SCNN1A: variants seen among roughly 807,000 people sequenced by gnomAD.
The protein encoded by SCNN1A is epithelial sodium channel subunit alpha.
SCNN1A carries 65 observed loss-of-function variants against 68.6 expected under a neutral mutation model. The ratio of observed to expected loss-of-function variants is 0.95; its 90% CI spans 0.78 to 1.16. The LOEUF (loss-of-function observed/expected upper bound fraction) is 1.16. Ranked by LOEUF, SCNN1A falls within the 50% of genes most tolerant of loss-of-function variation. The pLI is 0.00. For missense variants in SCNN1A, 880 were observed against 865.9 expected, an observed-to-expected ratio of 1.02 and a Z score of -0.20; for synonymous variants, 357 against 353.3, an observed-to-expected ratio of 1.01 and a Z score of -0.12.
rs933926812 is a variant in SCNN1A at position 6,349,399 on chromosome 12, C to T, written c.1367G>A (p.Cys456Tyr). Reference sequence around the variant, plus strand: ...GAAGTCAACCTGGAGCTTATAGTAGCAGTACCCTGTGGGTACAGAGAGATG... The same window carrying T: ...GAAGTCAACCTGGAGCTTATAGTAGTAGTACCCTGTGGGTACAGAGAGATG... ...DYRKHSSWGYCYYKLQVDFSS... is the reference protein window; with the variant it reads ...DYRKHSSWGYYYYKLQVDFSS... The change falls in exon 9 of 13, where the codon TGC becomes TAC. Residue 456 changes from cysteine to tyrosine, a missense_variant. Cys to Tyr is a radical substitution (Grantham distance 194, BLOSUM62 -2). Coordinates refer to ENST00000228916, the MANE Select transcript of SCNN1A (RefSeq NM_001038.6). The T allele has an allele frequency of 5.7e-6, 9 of 1,589,822 alleles. No individual in the cohort carries two copies. Among genetic ancestry groups the T allele is most frequent in the Non-Finnish European group, 7.7e-6 (9 of 1,167,466 alleles).
At chr12:6,364,265 G>A (rs970591871) in intron 2 of SCNN1A, 7 of 152,276 alleles carry the variant, frequency 4.6e-5, no homozygotes, top group African/African-American at 1.7e-4. Context: ...TGTTTCGGGT[G>A]CGGCCTAAAC....
At chr12:6,377,155 C>T (rs566385455), upstream of SCNN1A, 19 of 1,014,248 alleles carry the variant, frequency 1.9e-5, no homozygotes, top group African/African-American at 2.9e-4. Flanking sequence ...CAGGGTCCAA[C>T]CTGGTCTGTG....
chr12:6,369,917 T>G (rs1324517785), intron 2 of SCNN1A, among the ~76,000 whole-genome samples: 2 of 151,826 alleles, frequency 1.3e-5, no homozygotes, highest in Non-Finnish European at 2.9e-5. Context: ...AGCCTTTGAG[T>G]TGACACCTAG....
intron 2 of SCNN1A, among the ~76,000 whole-genome samples, chr12:6,370,322 C>T (rs1233950554): frequency 6.6e-6 from 1 of 152,216 alleles, no homozygotes; most frequent in African/African-American, 2.4e-5. Flanking sequence ...TGCCTCCCAG[C>T]TCTGAAGCAT....
Position 6,354,770 on chromosome 12 carries a change from G to A in SCNN1A, c.1222C>T (p.Pro408Ser), listed in dbSNP as rs769308083. The A allele has an allele frequency of 1.1e-5, 17 of 1,613,634 alleles. No individual in the cohort carries two copies. The African/African-American group carries it at 1.9e-4, about 18-fold the overall frequency. ...GSDVPVENLY[P>S]SKYTQQVCIH... ...CTCACCTGCTGTGTGTACTTTGAAG[G>A]GTAAAGGTTCTCAACAGGAACATCA... The change falls in exon 7 of 13, where the codon CCT becomes TCT. Residue 408 changes from proline to serine, a missense_variant. Pro to Ser is a moderately conservative substitution (Grantham distance 74). Around this residue, in one of 3 missense-constraint regions of SCNN1A, gnomAD observed 758 missense variants for 721.8 expected, o/e 1.05. Transcript: ENST00000228916.
rs918291093 is a variant in SCNN1A at position 6,355,817 on chromosome 12, G to C, written c.939C>G (p.Asn313Lys). 1.2e-6 allele frequency: 2 copies of C among 1,613,582 alleles called. No homozygotes were observed. Among genetic ancestry groups the C allele is most frequent in the African/African-American group, 2.7e-5 (2 of 74,928 alleles). ...GCATGGAAGACATCCAGAGGTTGGA[G>C]TTGTTCTTGTCATTGAAAGTATAGC... ...GNCYTFNDKN[N>K]SNLWMSSMPG... Residue 313 changes from asparagine to lysine, a missense_variant, in exon 5 of 13, where the codon AAC (asparagine) becomes AAG (lysine). By Grantham distance (94) the Asn-to-Lys change is moderately conservative. Coordinates refer to ENST00000228916, the MANE Select transcript of SCNN1A (RefSeq NM_001038.6).
chr12:6,364,877 AAAC>A (rs1218492228), intron 2 of SCNN1A, among the ~76,000 whole-genome samples: 2 of 152,236 alleles, frequency 1.3e-5, no homozygotes, highest in African/African-American at 4.8e-5. Flanking sequence ...TAAATAACAT[AAAC>A]AACATCAAAT....
At chr12:6,375,438 T>C in intron 1 of SCNN1A, 67 bp downstream of exon 1, 1 of 1,533,882 alleles carries the variant, frequency 6.5e-7, no homozygotes, top group Non-Finnish European at 8.7e-7. Context: ...CACTCCCAGG[T>C]TGCGGCTGGA....
intron 3 of SCNN1A, 135 bp downstream of exon 3, chr12:6,363,307 TG>T: frequency 1.7e-6 from 1 of 597,764 alleles, no homozygotes. Flanking sequence ...CTTTTTTTTT[TG>T]CCCGCGAGCC....
chr12:6,369,296 A>G (rs866595971), intron 2 of SCNN1A, among the ~76,000 whole-genome samples: 62 of 106,826 alleles, frequency 5.8e-4, no homozygotes, highest in East Asian at 2.0e-3. Context: ...CACCCTACTC[A>G]CCTCCCTCCT....
intron 8 of SCNN1A, 99 bp downstream of exon 8, chr12:6,354,339 A>T: frequency 1.2e-6 from 1 of 800,404 alleles, no homozygotes; most frequent in Non-Finnish European, 2.2e-6. Context: ...AGCAGGTGGG[A>T]GCCAGAAGTC....
At position 6,348,045 on chromosome 12, in the gene SCNN1A, G is replaced by A; in HGVS notation, c.1838C>T (p.Pro613Leu). The A allele has an allele frequency of 5.0e-6, 8 of 1,610,514 alleles. No individual in the cohort carries two copies. Among genetic ancestry groups the A allele is most frequent in the Non-Finnish European group, 5.9e-6 (7 of 1,178,320 alleles). ...QEVASTLASS[P>L]PSHFCPHPMS... ...GGGGTGGGGGCAGAAGTGGGAAGGA[G>A]GGGAGGATGCCAGGGTGGAGGCTAC... The change falls in exon 13 of 13, where the codon CCT (proline) becomes CTT (leucine). Residue 613 changes from proline (P) to leucine (L), a missense_variant. Pro to Leu is a moderately conservative substitution (Grantham distance 98, BLOSUM62 -3). Coordinates refer to ENST00000228916, the MANE Select transcript of SCNN1A (RefSeq NM_001038.6).
chr12:6,370,215 A>G (rs572661714), intron 2 of SCNN1A, among the ~76,000 whole-genome samples: 1 of 152,340 alleles, frequency 6.6e-6, no homozygotes, highest in African/African-American at 2.4e-5. Flanking sequence ...CCTATCAACT[A>G]GGCAAATTCC....
rs539360032 is a variant in SCNN1A at position 6,347,879 on chromosome 12, C to A, written c.2004G>T (p.Gly668=). 8.2e-5 allele frequency: 131 copies of A among 1,597,730 alleles called. 1 individual carries two copies. The South Asian group carries it at 1.4e-3, about 17-fold the overall frequency. Residue 668 remains glycine, a synonymous_variant, in exon 13 of 13, where the codon GGG becomes GGT. Transcript: ENST00000228916. ...GASSSTCPLG[G]P ...AGAAACCTCTCCTTCCCTCTCAGGG[C>A]CCCCCCAGAGGACAGGTGGAGGAAC...
At chr12:6,366,196 C>T (rs1441369936) in intron 2 of SCNN1A, among the ~76,000 whole-genome samples, 1 of 152,152 alleles carries the variant, frequency 6.6e-6, no homozygotes, top group African/African-American at 2.4e-5. Flanking sequence ...CTGTACACAG[C>T]TAGTGAGAAT....
rs1948382778 is a variant in SCNN1A, at chr12:6,351,289, C to T, written c.1361-1884G>A. 6.6e-6 allele frequency among the ~76,000 whole-genome samples: 1 copy of T among 152,174 alleles called. No individual in the cohort carries two copies. Among genetic ancestry groups the T allele is most frequent in the Non-Finnish European group, 1.5e-5 (1 of 68,026 alleles). On this transcript the variant is annotated intron_variant, in intron 8 of 12. Coordinates refer to ENST00000228916, the MANE Select transcript of SCNN1A (RefSeq NM_001038.6). The surrounding 1 kb of genome is among the most constrained non-coding windows in gnomAD (Gnocchi z 4.2). Reference sequence around the variant, plus strand: ...AAATATTATGCTAAGTGAAATAAGGCAGACACGAGGGTCACACACTCTAAG... The same window carrying T: ...AAATATTATGCTAAGTGAAATAAGGTAGACACGAGGGTCACACACTCTAAG...
chr12:6,366,974 C>T (rs1948690618), intron 2 of SCNN1A, among the ~76,000 whole-genome samples: 1 of 152,194 alleles, frequency 6.6e-6, no homozygotes, highest in Non-Finnish European at 1.5e-5. Flanking sequence ...CATGGTGGCT[C>T]ACACCTGTAA....
At chr12:6,350,112 T>C (rs1343459705) in intron 8 of SCNN1A, 1 of 154,144 alleles carries the variant, frequency 6.5e-6, no homozygotes, top group African/African-American at 2.4e-5. Flanking sequence ...ATATATGCTA[T>C]GGACAAAAAC....
rs916725378 is a variant in SCNN1A, at chr12:6,375,432, C to A, written c.-55+73G>T. 14 of 1,533,004 alleles carry A rather than the reference C, an allele frequency of 9.1e-6. No homozygotes were observed. The African/African-American group carries it at 1.9e-4, about 21-fold the overall frequency. The allele number at this position is 1,533,004 out of a possible 1,614,324, so 95.0% of individuals were successfully genotyped here. ...TCTGGGCTGCCTCCAGCTTCCCACT[C>A]CCAGGTTGCGGCTGGACTGGGACTG... On this transcript the variant is annotated intron_variant, in intron 1 of 12. Coordinates refer to ENST00000228916, the MANE Select transcript of SCNN1A (RefSeq NM_001038.6).
Sources: allele counts gnomAD v4.1 joint callset (sites outside exome capture counted in the v4.1 genomes callset), GRCh38; gene constraint gnomAD v4.1.1; regional missense constraint gnomAD v4.1.1; non-coding constraint Gnocchi (gnomAD v3.1); transcripts MANE v1.5; gene names NCBI Gene and HGNC (gene_info 2026-07-23, HGNC 2026-07-21).